LDLRAD3: variants seen among roughly 807,000 people sequenced by gnomAD.
The protein encoded by LDLRAD3 is low density lipoprotein receptor class A domain containing 3.
LDLRAD3 carries 20 observed loss-of-function variants against 29.4 expected under a neutral mutation model. The observed-to-expected ratio is 0.68, with a 90% CI of 0.48 to 0.99. The LOEUF is 0.99. Ranked by LOEUF, LDLRAD3 falls within the 50% of genes least tolerant of loss-of-function variation. The probability of loss-of-function intolerance (pLI) is 0.00; values close to 1 mark genes in which losing one functional copy is unlikely to be tolerated. For synonymous variants in LDLRAD3, 157 were observed against 192.7 expected, an observed-to-expected ratio of 0.81 and a Z score of 1.53; for missense variants, 420 against 454.3, an observed-to-expected ratio of 0.92 and a Z score of 0.69.
intron 4 of LDLRAD3, among the ~76,000 whole-genome samples, chr11:36,158,120 T>G (rs1854381086): frequency 1.3e-5 from 2 of 152,212 alleles, no homozygotes; most frequent in Non-Finnish European, 2.9e-5. Flanking sequence ...TTAGTTTCTG[T>G]ACTTATTATA....
rs768060203 is a variant in LDLRAD3, at chr11:36,229,261, A to G, written c.902A>G (p.Asn301Ser). The G allele has an allele frequency of 6.2e-7, 1 of 1,613,896 alleles. No homozygotes were observed. The highest frequency in any genetic ancestry group is 8.5e-7 in the Non-Finnish European group (1 of 1,179,966). Residue 301 changes from asparagine (N) to serine (S), a missense_variant, in exon 6 of 6, where the codon AAC becomes AGC. Asn to Ser is a conservative substitution (Grantham distance 46). This residue lies in a region of LDLRAD3 where 140 missense variants were observed against 139.9 expected (regional missense o/e 1.00). Coordinates refer to ENST00000315571, the MANE Select transcript of LDLRAD3 (RefSeq NM_174902.4). Reference protein sequence around the residue: ...PPYRSRSGSANSASSQAASSL... With the variant: ...PPYRSRSGSASSASSQAASSL... ...TACCGCTCCCGGTCCGGGAGTGCCA[A>G]CAGTGCCAGCTCCCAGGCAGCCAGC...
intron 2 of LDLRAD3, among the ~76,000 whole-genome samples, chr11:36,046,184 G>A (rs1173376418): frequency 1.3e-5 from 2 of 152,084 alleles, no homozygotes; most frequent in Non-Finnish European, 2.9e-5. Flanking sequence ...TGGTATATAT[G>A]TGCCACATTT....
chr11:35,998,817 T>C (rs1055051482), intron 1 of LDLRAD3, among the ~76,000 whole-genome samples: 1 of 152,240 alleles, frequency 6.6e-6, no homozygotes, highest in Non-Finnish European at 1.5e-5. Context: ...CCCTATTAAA[T>C]AGAGCAATTT....
rs115932926 is a variant in LDLRAD3 at position 36,218,475 on chromosome 11, C to T, written c.455-8610C>T. Among the ~76,000 whole-genome samples the T allele has an allele frequency of 8.8e-3, 1,332 of 152,210 alleles. 24 individuals carry two copies. Among genetic ancestry groups the T allele is most frequent in the African/African-American group, 0.03 (1,250 of 41,542 alleles). On this transcript the variant is annotated intron_variant, in intron 4 of 5. Transcript: ENST00000315571. ...GGAGTATTGCAAAAAGACTAGAGTC[C>T]GAAGAGGCTACAGGTGGCAAGACTC...
chr11:35,981,941 C>A lies in LDLRAD3; in HGVS notation c.46+37797C>A, dbSNP rs1479306239. On this transcript the variant is annotated intron_variant, in intron 1 of 5. Coordinates refer to ENST00000315571, the MANE Select transcript of LDLRAD3 (RefSeq NM_174902.4). ...ATTCCTTCTTACTTGGCCGTGTAGCCTGGGAGTCGGAGCTCTTTGGGCCTT... is the reference window on the plus strand; with the variant it reads ...ATTCCTTCTTACTTGGCCGTGTAGCATGGGAGTCGGAGCTCTTTGGGCCTT... 3.3e-5 allele frequency among the ~76,000 whole-genome samples: 5 copies of A among 152,142 alleles called. 1 individual carries two copies. The highest frequency in any genetic ancestry group is 7.3e-5 in the Non-Finnish European group (5 of 68,034).
chr11:36,144,796 G>A (rs1271756877), intron 4 of LDLRAD3, among the ~76,000 whole-genome samples: 1 of 125,452 alleles, frequency 8.0e-6, no homozygotes, highest in African/African-American at 3.5e-5. Flanking sequence ...CCCCGTCCGG[G>A]AGGGAGGTGG....
At chr11:35,992,349 T>C (rs1851701580) in intron 1 of LDLRAD3, among the ~76,000 whole-genome samples, 1 of 152,216 alleles carries the variant, frequency 6.6e-6, no homozygotes, top group Admixed American at 6.5e-5. Context: ...TTGTTGACAG[T>C]GACTTATGGA....
At chr11:36,015,903 C>T (rs1852016818) in intron 1 of LDLRAD3, among the ~76,000 whole-genome samples, 1 of 152,214 alleles carries the variant, frequency 6.6e-6, no homozygotes, top group African/African-American at 2.4e-5. Context: ...GTTCCAGGCG[C>T]CCTTGAATGA....
At position 36,043,959 on chromosome 11, in the gene LDLRAD3, G is replaced by A. The variant is rs147416156; in HGVS notation, c.193+7710G>A. ...AAATCCAAGACCTATGTATATTAGCGTTGCTTCTTTTCTCATTGAGTCATT... is the reference window on the plus strand; with the variant it reads ...AAATCCAAGACCTATGTATATTAGCATTGCTTCTTTTCTCATTGAGTCATT... On this transcript the variant is annotated intron_variant, in intron 2 of 5. Coordinates refer to ENST00000315571, the MANE Select transcript of LDLRAD3 (RefSeq NM_174902.4). Among the ~76,000 whole-genome samples the A allele has an allele frequency of 1.3e-3, 192 of 152,250 alleles. 1 individual carries two copies. Among genetic ancestry groups the A allele is most frequent in the African/African-American group, 4.1e-3 (171 of 41,538 alleles).
intron 4 of LDLRAD3, among the ~76,000 whole-genome samples, chr11:36,100,630 G>T (rs1186712268): frequency 2.6e-5 from 4 of 152,114 alleles, no homozygotes; most frequent in African/African-American, 9.7e-5. Context: ...AGTAGAGATG[G>T]GTTTCACCAT....
intron 1 of LDLRAD3, among the ~76,000 whole-genome samples, chr11:36,017,472 G>A (rs1852037447): frequency 6.6e-6 from 1 of 151,754 alleles, no homozygotes; most frequent in African/African-American, 2.4e-5. Flanking sequence ...TCACCTCTTG[G>A]TAGCCATTGC....
chr11:35,998,941 G>T (rs963645604), intron 1 of LDLRAD3, among the ~76,000 whole-genome samples: 2 of 152,144 alleles, frequency 1.3e-5, no homozygotes, highest in African/African-American at 4.8e-5. Context: ...AGATGCATTT[G>T]TTCATGTAAG....
intron 1 of LDLRAD3, among the ~76,000 whole-genome samples, chr11:36,028,106 C>A (rs61879141): frequency 6.6e-6 from 1 of 152,124 alleles, no homozygotes; most frequent in African/African-American, 2.4e-5. Context: ...TCCTGGGAGC[C>A]CAGAAGTGTT....
chr11:36,080,192 A>C (rs1853088744), intron 2 of LDLRAD3, among the ~76,000 whole-genome samples: 1 of 152,194 alleles, frequency 6.6e-6, no homozygotes, highest in Non-Finnish European at 1.5e-5. Context: ...CTAAGACAGA[A>C]GACAAGAGGG....
chr11:36,139,038 C>G (rs963014557), intron 4 of LDLRAD3, among the ~76,000 whole-genome samples: 1 of 152,232 alleles, frequency 6.6e-6, no homozygotes, highest in African/African-American at 2.4e-5. Context: ...CTTCTACTCC[C>G]TGCTATCCCT....
chr11:36,064,479 A>ATTTTTTT (rs34464861), intron 2 of LDLRAD3, among the ~76,000 whole-genome samples: 8 of 120,608 alleles, frequency 6.6e-5, no homozygotes, highest in African/African-American at 2.5e-4. Flanking sequence ...TGGCTAATTA[A>ATTTTTTT]TTTTTTTTTT....
chr11:36,227,892 T>A (rs903909633), intron 5 of LDLRAD3, among the ~76,000 whole-genome samples: 10 of 152,186 alleles, frequency 6.6e-5, no homozygotes, highest in Non-Finnish European at 1.3e-4. Flanking sequence ...TTAATATCTG[T>A]CAAATGAATG....
At chr11:35,991,418 G>A (rs7951768) in intron 1 of LDLRAD3, among the ~76,000 whole-genome samples, 4,998 of 152,124 alleles carry the variant, frequency 0.033, 148 homozygotes, top group African/African-American at 0.08. Flanking sequence ...ATTACATTCC[G>A]TATTATGCCG....
intron 2 of LDLRAD3, among the ~76,000 whole-genome samples, chr11:36,068,882 C>G (rs1368202051): frequency 6.6e-6 from 1 of 152,166 alleles, no homozygotes; most frequent in East Asian, 1.9e-4. Context: ...TAGACCTCCT[C>G]TTCTCAGCAT....
Sources: gnomAD v4.1 joint callset for allele counts (sites outside exome capture counted in the v4.1 genomes callset) on GRCh38, gnomAD v4.1.1 for gene constraint, gnomAD v4.1.1 regional missense constraint, MANE v1.5 for transcripts, NCBI Gene and HGNC (gene_info 2026-07-23, HGNC 2026-07-21) for gene names.